The following GLRX5 variants were observed in gnomAD, a reference collection of about 807,000 sequenced individuals.
GLRX5 encodes glutaredoxin-related protein 5, mitochondrial.
GLRX5 carries 10 observed loss-of-function variants against 13.8 expected under a neutral mutation model. The observed-to-expected ratio is 0.72, with a 90% CI of 0.45 to 1.23. The LOEUF is 1.23. Ranked by LOEUF, GLRX5 falls within the 50% of genes most tolerant of loss-of-function variation. GLRX5 has a pLI of 0.00. For missense variants in GLRX5, 233 were observed against 215.2 expected (o/e 1.08, Z -0.52); for synonymous variants, 98 against 101.1 (o/e 0.97, Z 0.18).
intron 1 of GLRX5, among the ~76,000 whole-genome samples, chr14:95,540,850 G>T (rs140770607): frequency 1.3e-5 from 2 of 152,328 alleles, no homozygotes; most frequent in African/African-American, 4.8e-5. Context: ...TGAATGTGAT[G>T]AATTTTGAAA....
chr14:95,539,463 G>T (rs1474465789), intron 1 of GLRX5, among the ~76,000 whole-genome samples: 1 of 152,162 alleles, frequency 6.6e-6, no homozygotes, highest in Non-Finnish European at 1.5e-5. Context: ...ACAATATTTA[G>T]TCAAAAAGCA....
At chr14:95,539,171 G>A (rs992938723) in intron 1 of GLRX5, among the ~76,000 whole-genome samples, 6 of 152,208 alleles carry the variant, frequency 3.9e-5, no homozygotes, top group Non-Finnish European at 7.3e-5. Flanking sequence ...AGGTGGAACC[G>A]TTTCATCCCG....
At chr14:95,543,215 G>A (rs554472053) in intron 1 of GLRX5, 1 of 455,930 alleles carries the variant, frequency 2.2e-6, no homozygotes, top group Admixed American at 2.3e-5. Flanking sequence ...AGTCACTTCG[G>A]GTTCTGCACA....
chr14:95,540,733 T>C (rs1056276314), intron 1 of GLRX5, among the ~76,000 whole-genome samples: 1 of 152,238 alleles, frequency 6.6e-6, no homozygotes, highest in African/African-American at 2.4e-5. Context: ...TATCAGATTC[T>C]GAAGCTACTG....
chr14:95,535,287 G>T lies in GLRX5; in HGVS notation c.198G>T (p.Gln66His). ...VFLKGTPEQPQCGFSNAVVQI... is the reference protein window; with the variant it reads ...VFLKGTPEQPHCGFSNAVVQI... ...TCAAGGGGACGCCGGAGCAGCCCCA[G>T]TGCGGCTTCAGCAACGCCGTGGTGC... The change falls in exon 1 of 2, where the codon CAG becomes CAT. Residue 66 changes from glutamine (Q) to histidine (H), a missense_variant. Transcript: ENST00000331334. 1 of 1,566,898 alleles carries T rather than the reference G, an allele frequency of 6.4e-7. No individual in the cohort carries two copies. Among genetic ancestry groups the T allele is most frequent in the South Asian group, 1.2e-5 (1 of 85,316 alleles).
At position 95,535,190 on chromosome 14, in the gene GLRX5, C is replaced by G; in HGVS notation, c.101C>G (p.Ser34Trp). The G allele has an allele frequency of 2.0e-6, 3 of 1,494,700 alleles. No individual in the cohort carries two copies. Among genetic ancestry groups the G allele is most frequent in the South Asian group, 2.5e-5 (2 of 78,828 alleles). 92.6% of individuals were successfully genotyped at this position (1,494,700 alleles called of 1,614,324 possible). Reference protein sequence around the residue: ...LWGPGVRAAGSGAGGGGSAEQ... With the variant: ...LWGPGVRAAGWGAGGGGSAEQ... ...GGTCCGGGCGTGCGGGCGGCGGGCT[C>G]GGGCGCGGGCGGCGGCGGCTCGGCG... The change falls in exon 1 of 2, where the codon TCG (serine) becomes TGG (tryptophan). Residue 34 changes from serine to tryptophan, a missense_variant. By Grantham distance (177) the Ser-to-Trp change is radical. Transcript: ENST00000331334.
At chr14:95,537,125 T>G (rs891695741) in intron 1 of GLRX5, among the ~76,000 whole-genome samples, 6 of 152,170 alleles carry the variant, frequency 3.9e-5, no homozygotes, top group Admixed American at 6.5e-5. Context: ...AAAAGTGGTG[T>G]TGTTATCTCG....
intron 1 of GLRX5, among the ~76,000 whole-genome samples, chr14:95,539,050 C>T (rs890593216): frequency 6.6e-6 from 1 of 152,218 alleles, no homozygotes; most frequent in African/African-American, 2.4e-5. Context: ...CCTGCCACAT[C>T]AGTGACGACA....
Position 95,535,315 on chromosome 14 carries a change from A to C in GLRX5, c.226A>C (p.Ile76Leu). ...QCGFSNAVVQ[I>L]LRLHGVRDYA... ...CGGCTTCAGCAACGCCGTGGTGCAG[A>C]TCCTGCGGCTGCACGGCGTCCGCGA... The change falls in exon 1 of 2, where the codon ATC becomes CTC. Residue 76 changes from isoleucine to leucine, a missense_variant. Transcript: ENST00000331334. 3 of 1,557,676 alleles carry C rather than the reference A, an allele frequency of 1.9e-6. No homozygotes were observed. The highest frequency in any genetic ancestry group is 2.6e-6 in the Non-Finnish European group (3 of 1,151,000).
chr14:95,539,554 A>G (rs912126561), intron 1 of GLRX5, among the ~76,000 whole-genome samples: 5 of 152,214 alleles, frequency 3.3e-5, no homozygotes, highest in Middle Eastern at 3.2e-3. Flanking sequence ...TATATTGCAG[A>G]TATGTGTGCA....
At position 95,535,412 on chromosome 14, in the gene GLRX5, C is replaced by T. The variant is rs749422520; in HGVS notation, c.295+28C>T. ...CAGGCCAGTGTGCCGGGCAGGCGCCCTCCGCCCCGGGCCCAGGAGCATCGC... is the reference window on the plus strand; with the variant it reads ...CAGGCCAGTGTGCCGGGCAGGCGCCTTCCGCCCCGGGCCCAGGAGCATCGC... On this transcript the variant is annotated intron_variant, in intron 1 of 1. Transcript: ENST00000331334. 2.4e-5 allele frequency: 37 copies of T among 1,539,274 alleles called. No individual in the cohort carries two copies. In the South Asian group the frequency reaches 4.2e-4, roughly 17 times the overall value.
At chr14:95,543,030 A>G in intron 1 of GLRX5, 1 of 456,088 alleles carries the variant, frequency 2.2e-6, no homozygotes, top group South Asian at 1.5e-5. Flanking sequence ...GCTGTCACAG[A>G]GTGTCCCTCA....
At chr14:95,541,940 T>C (rs974181583) in intron 1 of GLRX5, among the ~76,000 whole-genome samples, 2 of 152,232 alleles carry the variant, frequency 1.3e-5, no homozygotes, top group Non-Finnish European at 2.9e-5. Flanking sequence ...TATTATTCAT[T>C]GAAACAAAAC....
intron 1 of GLRX5, among the ~76,000 whole-genome samples, chr14:95,539,903 T>A (rs775825303): frequency 0.012 from 1,848 of 151,678 alleles, 14 homozygotes; most frequent in African/African-American, 0.02. Context: ...ATATATTTTT[T>A]TTTTTTTGAG....
chr14:95,537,829 A>C (rs1287127747), intron 1 of GLRX5, among the ~76,000 whole-genome samples: 1 of 152,204 alleles, frequency 6.6e-6, no homozygotes, highest in Admixed American at 6.5e-5. Context: ...ACTGTGACCC[A>C]AGGAACAAAG....
intron 1 of GLRX5, among the ~76,000 whole-genome samples, chr14:95,537,804 C>G (rs1342105972): frequency 6.6e-6 from 1 of 152,214 alleles, no homozygotes; most frequent in Non-Finnish European, 1.5e-5. Context: ...GAGTGTGATA[C>G]AGACACATCT....
At position 95,535,381 on chromosome 14, in the gene GLRX5, C is replaced by G; in HGVS notation, c.292C>G (p.Gln98Glu). The G allele has an allele frequency of 6.5e-7, 1 of 1,549,270 alleles. No individual in the cohort carries two copies. The highest frequency in any genetic ancestry group is 8.7e-7 in the Non-Finnish European group (1 of 1,146,856). The change falls in exon 1 of 2, where the codon CAA (glutamine) becomes GAA (glutamate). Residue 98 changes from glutamine to glutamate, a missense_variant. Physicochemically the swap from Gln to Glu is conservative, Grantham distance 29. Coordinates refer to ENST00000331334, the MANE Select transcript of GLRX5 (RefSeq NM_016417.3). The part of the protein sequence containing the change: ...YNVLDDPELR[Q>E]GIKDYSNWPT... ...CGTGCTGGACGACCCGGAGCTCCGA[C>G]AAGGTCAGGCCAGTGTGCCGGGCAG... is the stretch of plus-strand genomic sequence containing the variant.
In GLRX5 at chr14:95,536,922, T is replaced by C. The variant is rs192290599; in HGVS notation, c.295+1538T>C. Among the ~76,000 whole-genome samples the C allele has an allele frequency of 1.4e-4, 22 of 152,318 alleles. No individual in the cohort carries two copies. In the East Asian group the frequency reaches 4.2e-3, roughly 29 times the overall value. ...GTAATATTACCATGTGTTATTCTCA[T>C]GACCCTTTTGTCTTCCTTGTCAACT... On this transcript the variant is annotated intron_variant, in intron 1 of 1. Transcript: ENST00000331334.
At chr14:95,537,261 A>G (rs998859680) in intron 1 of GLRX5, among the ~76,000 whole-genome samples, 7 of 152,222 alleles carry the variant, frequency 4.6e-5, no homozygotes, top group African/African-American at 1.7e-4. Flanking sequence ...ACGAATATGT[A>G]CTGATAACAT....
Sources: allele counts gnomAD v4.1 joint callset (sites outside exome capture counted in the v4.1 genomes callset), GRCh38; gene constraint gnomAD v4.1.1; transcripts MANE v1.5; gene names NCBI Gene and HGNC (gene_info 2026-07-23, HGNC 2026-07-21).